The following KSR2 variants were observed in gnomAD, a reference collection of about 807,000 sequenced individuals.
The protein encoded by KSR2 is kinase suppressor of ras 2.
A neutral mutation model predicts 107.8 loss-of-function variants in KSR2; 25 were observed. That is an observed-to-expected ratio of 0.23 (90% confidence interval 0.17 to 0.32). The LOEUF (loss-of-function observed/expected upper bound fraction) is 0.32. Among genes scored for constraint, KSR2 ranks in the 10% least tolerant of loss-of-function variants. The probability of loss-of-function intolerance (pLI) is 1.00; values close to 1 mark genes in which losing one functional copy is unlikely to be tolerated. For missense variants in KSR2, 887 were observed against 1,268.9 expected (o/e 0.70, Z 4.57); for synonymous variants, 480 against 507.0 (o/e 0.95, Z 0.71).
intron 1 of KSR2, among the ~76,000 whole-genome samples, chr12:117,893,397 C>G (rs1243478253): frequency 6.6e-6 from 1 of 152,196 alleles, no homozygotes. Context: ...GTTTTCTCAT[C>G]TATAGGTGAA....
intron 5 of KSR2, among the ~76,000 whole-genome samples, chr12:117,607,654 AAGGAGAGGAGAGGAGAGGAG>A (rs61650091): frequency 1.2e-4 from 14 of 118,140 alleles, no homozygotes; most frequent in Non-Finnish European, 1.5e-4. Flanking sequence ...GAGGGGAGGA[AAGGAGAGGAGAGGAGAGGAG>A]AGGAGAGGAG....
intron 7 of KSR2, among the ~76,000 whole-genome samples, chr12:117,575,582 A>G (rs1315336511): frequency 6.6e-6 from 1 of 152,228 alleles, no homozygotes; most frequent in Non-Finnish European, 1.5e-5. Context: ...AAACTGCAGG[A>G]ATTTAGTTGT....
intron 3 of KSR2, among the ~76,000 whole-genome samples, chr12:117,770,811 C>CA (rs71450231): frequency 0.016 from 2,230 of 137,904 alleles, 31 homozygotes; most frequent in African/African-American, 0.035. Flanking sequence ...ACCAAAAATA[C>CA]AAAAAAAAAA....
intron 4 of KSR2, among the ~76,000 whole-genome samples, chr12:117,739,066 A>G (rs1888059070): frequency 6.6e-6 from 1 of 152,176 alleles, no homozygotes; most frequent in Admixed American, 6.5e-5. Flanking sequence ...TTTAAAAATA[A>G]GGTAATTGGA....
At chr12:117,913,123 G>T (rs778175730) in intron 1 of KSR2, among the ~76,000 whole-genome samples, 4 of 152,162 alleles carry the variant, frequency 2.6e-5, no homozygotes, top group Non-Finnish European at 5.9e-5. Context: ...GTCCGTTCCC[G>T]AGTTGGCCTC....
At chr12:117,836,264 G>A (rs1184416647) in intron 3 of KSR2, among the ~76,000 whole-genome samples, 1 of 152,082 alleles carries the variant, frequency 6.6e-6, no homozygotes, top group East Asian at 1.9e-4. Flanking sequence ...ATCATGGAGT[G>A]GACTTCAACA....
intron 3 of KSR2, among the ~76,000 whole-genome samples, chr12:117,793,345 G>C (rs1475920121): frequency 2.3e-5 from 2 of 87,994 alleles, no homozygotes; most frequent in African/African-American, 9.2e-5. Context: ...ATACACACCA[G>C]CATGCACACA....
chr12:117,769,575 C>G (rs1317183642), intron 3 of KSR2, among the ~76,000 whole-genome samples: 1 of 152,210 alleles, frequency 6.6e-6, no homozygotes, highest in Non-Finnish European at 1.5e-5. Flanking sequence ...CATGATTGCT[C>G]TGAAGATTAA....
intron 3 of KSR2, among the ~76,000 whole-genome samples, chr12:117,828,937 A>G (rs1329110873): frequency 6.6e-6 from 1 of 152,202 alleles, no homozygotes; most frequent in East Asian, 1.9e-4. Context: ...AAAGGATGAC[A>G]TGGTTCTGAA....
intron 9 of KSR2, 26 bp downstream of exon 9, chr12:117,555,143 G>A (rs374392587): frequency 3.2e-5 from 51 of 1,613,220 alleles, no homozygotes; most frequent in African/African-American, 1.2e-4. Context: ...CCCACATGCC[G>A]AGACCCAGGG....
chr12:117,825,902 C>T (rs565401422), intron 3 of KSR2, among the ~76,000 whole-genome samples: 6 of 100,374 alleles, frequency 6.0e-5, no homozygotes, highest in South Asian at 3.9e-4. Flanking sequence ...TGCATAGATG[C>T]GTGGATGGGT....
intron 3 of KSR2, among the ~76,000 whole-genome samples, chr12:117,770,914 T>C (rs1028473840): frequency 3.4e-5 from 5 of 149,030 alleles, no homozygotes; most frequent in African/African-American, 1.2e-4. Context: ...GAGGCGGAGC[T>C]TGCAGTGGGC....
At chr12:117,791,345 T>C (rs1451586994) in intron 3 of KSR2, among the ~76,000 whole-genome samples, 6 of 152,230 alleles carry the variant, frequency 3.9e-5, no homozygotes, top group African/African-American at 1.4e-4. Flanking sequence ...CAAAGATGTA[T>C]TCTTTTTCAC....
chr12:117,721,198 A>G (rs1887192159), intron 4 of KSR2, among the ~76,000 whole-genome samples: 1 of 152,214 alleles, frequency 6.6e-6, no homozygotes, highest in African/African-American at 2.4e-5. Context: ...AATAACGGAA[A>G]TCTTTATCTG....
At chr12:117,889,732 C>A (rs1367160827) in intron 1 of KSR2, 1 of 152,180 alleles carries the variant, frequency 6.6e-6, no homozygotes, top group East Asian at 1.9e-4. Context: ...ACCAGGAGTT[C>A]TCAACTGTAA....
At position 117,674,775 on chromosome 12, in the gene KSR2, A is replaced by C. The variant is rs150505962; in HGVS notation, c.987-7117T>G. Among the ~76,000 whole-genome samples, 208 of 152,300 alleles carry C rather than the reference A, an allele frequency of 1.4e-3. 1 individual carries two copies. Among genetic ancestry groups the C allele is most frequent in the African/African-American group, 3.8e-3 (156 of 41,566 alleles). ...CAGTCAAAGGCAGGCTTTAAAAAGT[A>C]TACATTGTATCATGTCACTCCTCTT... On this transcript the variant is annotated intron_variant, in intron 4 of 19. Transcript: ENST00000339824.
chr12:117,713,191 T>C (rs1886856620), intron 4 of KSR2, among the ~76,000 whole-genome samples: 1 of 151,518 alleles, frequency 6.6e-6, no homozygotes, highest in Non-Finnish European at 1.5e-5. Flanking sequence ...TAGTTATAGA[T>C]ATGTCTATAT....
chr12:117,656,471 G>A (rs1458023679), intron 5 of KSR2, among the ~76,000 whole-genome samples: 2 of 152,194 alleles, frequency 1.3e-5, no homozygotes, highest in Non-Finnish European at 2.9e-5. Flanking sequence ...AAAATTAGCT[G>A]GGCGTGGTGG....
chr12:117,838,519 A>G (rs1229799744), intron 3 of KSR2, among the ~76,000 whole-genome samples: 2 of 152,156 alleles, frequency 1.3e-5, no homozygotes, highest in Non-Finnish European at 2.9e-5. Context: ...TTTGAGCACA[A>G]GCTCTACCAG....
Sources: allele counts gnomAD v4.1 joint callset (sites outside exome capture counted in the v4.1 genomes callset), GRCh38; gene constraint gnomAD v4.1.1; transcripts MANE v1.5; gene names NCBI Gene and HGNC (gene_info 2026-07-23, HGNC 2026-07-21).